CAST: variants seen among roughly 807,000 people sequenced by gnomAD.
The protein encoded by CAST is calpastatin, also known as MIR583 host.
CAST carries 76 observed loss-of-function variants against 119.6 expected under a neutral mutation model. The observed-to-expected ratio is 0.64, with a 90% CI of 0.53 to 0.77. The LOEUF (loss-of-function observed/expected upper bound fraction) is 0.77. Ranked by LOEUF, CAST falls within the 30% of genes least tolerant of loss-of-function variation. The pLI, the probability that CAST is intolerant of heterozygous loss-of-function variation, is 0.00. For missense variants in CAST, 953 were observed against 946.5 expected, an observed-to-expected ratio of 1.01 and a Z score of -0.09; for synonymous variants, 319 against 331.6, an observed-to-expected ratio of 0.96 and a Z score of 0.41.
At chr5:96,243,309 A>T in the CAST span, among the ~76,000 whole-genome samples, 3 of 145,710 alleles carry the variant, frequency 2.1e-5, no homozygotes, top group South Asian at 2.2e-4. Context: ...TCAATAGAGA[A>T]TTTTTTTTTT....
At chr5:96,711,832 G>A (rs1756227956) in intron 3 of CAST, among the ~76,000 whole-genome samples, 1 of 152,198 alleles carries the variant, frequency 6.6e-6, no homozygotes, top group Non-Finnish European at 1.5e-5. Flanking sequence ...TCTAATGGGT[G>A]AGGTTTCCCA....
At chr5:96,214,375 T>A in the CAST span, among the ~76,000 whole-genome samples, 5 of 152,146 alleles carry the variant, frequency 3.3e-5, 1 homozygote, top group South Asian at 1.0e-3. Flanking sequence ...AAGGCAATAT[T>A]TTAAGTCAAA....
At chr5:96,377,153 AT>A in the CAST span, among the ~76,000 whole-genome samples, 12 of 151,990 alleles carry the variant, frequency 7.9e-5, no homozygotes, top group South Asian at 2.5e-3. Context: ...TCAAACTTTC[AT>A]TTTTTTAAAT....
At chr5:96,746,309 A>C (rs1390825603) in intron 16 of CAST, 33 bp from the exon 17 acceptor site, 1 of 1,234,044 alleles carries the variant, frequency 8.1e-7, no homozygotes, top group Non-Finnish European at 1.2e-6. Context: ...TGCATTATCC[A>C]ACTACTTTTT....
the CAST span, among the ~76,000 whole-genome samples, chr5:96,112,387 C>A: frequency 6.6e-6 from 1 of 152,008 alleles, no homozygotes; most frequent in African/African-American, 2.4e-5. Context: ...GATTGGTTGG[C>A]AATTACTGTA....
the CAST span, among the ~76,000 whole-genome samples, chr5:96,150,861 C>T: frequency 6.6e-6 from 1 of 152,176 alleles, no homozygotes; most frequent in Non-Finnish European, 1.5e-5. Flanking sequence ...GCTTGGTTAT[C>T]TGCCAGATGC....
At chr5:96,100,922 G>GTA in the CAST span, among the ~76,000 whole-genome samples, 7 of 151,848 alleles carry the variant, frequency 4.6e-5, no homozygotes, top group East Asian at 1.9e-4. Flanking sequence ...GTGTGTGTGT[G>GTA]TATATATATA....
chr5:96,008,755 C>T, the CAST span, among the ~76,000 whole-genome samples: 3 of 152,162 alleles, frequency 2.0e-5, no homozygotes, highest in African/African-American at 7.2e-5. Context: ...GAAGCTCAAG[C>T]CTACATGGAG....
At chr5:96,250,509 C>A in the CAST span, among the ~76,000 whole-genome samples, 1 of 152,092 alleles carries the variant, frequency 6.6e-6, no homozygotes, top group South Asian at 2.1e-4. Flanking sequence ...GAGTCTGCCT[C>A]CCTGTTAGGG....
At chr5:96,427,950 G>T in the CAST span, among the ~76,000 whole-genome samples, 1 of 152,146 alleles carries the variant, frequency 6.6e-6, no homozygotes, top group Non-Finnish European at 1.5e-5. Context: ...AAGGTCCAGG[G>T]CCTCTGATTT....
Position 96,763,135 on chromosome 5 carries a change from T to C in CAST, c.1932+763T>C, listed in dbSNP as rs376545277. On this transcript the variant is annotated intron_variant, in intron 25 of 31. Transcript: ENST00000675179. ...GTAACTTTAGCGAAGTCAGCTATGC[T>C]TCCATTCCGTTTGATGTAGCATCAA... is the stretch of plus-strand genomic sequence containing the variant. The C allele has an allele frequency of 4.4e-5, 34 of 780,000 alleles. 2 individuals carry two copies. Among genetic ancestry groups the C allele is most frequent in the Admixed American group, 2.7e-4 (16 of 58,986 alleles). The allele number at this position is 780,000 out of a possible 1,614,324, so 48.3% of individuals were successfully genotyped here.
chr5:96,030,135 A>C, the CAST span, among the ~76,000 whole-genome samples: 90 of 152,266 alleles, frequency 5.9e-4, 1 homozygote, highest in Middle Eastern at 0.01. Context: ...AAATATCACT[A>C]TCCATCAACA....
the CAST span, among the ~76,000 whole-genome samples, chr5:96,008,843 G>C: frequency 1.3e-5 from 2 of 152,160 alleles, no homozygotes; most frequent in African/African-American, 2.4e-5. Flanking sequence ...CTTTATTTTA[G>C]ATACAAGGAG....
At chr5:96,202,866 G>T in the CAST span, among the ~76,000 whole-genome samples, 1 of 151,988 alleles carries the variant, frequency 6.6e-6, no homozygotes, top group Non-Finnish European at 1.5e-5. Context: ...GTGCATAGTT[G>T]ATCATTATTA....
the CAST span, among the ~76,000 whole-genome samples, chr5:96,484,516 T>C: frequency 2.0e-5 from 3 of 152,126 alleles, no homozygotes; most frequent in Non-Finnish European, 4.4e-5. Flanking sequence ...CTGGAACAGA[T>C]GGTAAATTGA....
At chr5:96,499,058 A>C in the CAST span, among the ~76,000 whole-genome samples, 2 of 151,996 alleles carry the variant, frequency 1.3e-5, no homozygotes, top group Non-Finnish European at 2.9e-5. Context: ...AAAAGAAAAA[A>C]AGAAAACATT....
chr5:96,055,084 C>G, the CAST span, among the ~76,000 whole-genome samples: 1,303 of 152,214 alleles, frequency 8.6e-3, 25 homozygotes, highest in African/African-American at 0.03. Context: ...AGGCAGGTGT[C>G]TTTCTCCTTA....
the CAST span, among the ~76,000 whole-genome samples, chr5:96,464,731 C>G: frequency 1.3e-5 from 2 of 152,030 alleles, no homozygotes; most frequent in African/African-American, 4.8e-5. Flanking sequence ...CAAAAAAGTG[C>G]ATAAGCATAA....
At chr5:95,991,503 T>G in the CAST span, among the ~76,000 whole-genome samples, 68 of 141,944 alleles carry the variant, frequency 4.8e-4, no homozygotes, top group African/African-American at 1.4e-3. Context: ...TTTTGTTTTT[T>G]TTTTTTTTTT....
Sources: gnomAD v4.1 joint callset for allele counts (sites outside exome capture counted in the v4.1 genomes callset) on GRCh38, gnomAD v4.1.1 for gene constraint, MANE v1.5 for transcripts, NCBI Gene and HGNC (gene_info 2026-07-23, HGNC 2026-07-21) for gene names.